The following DAAM1 variants were observed in gnomAD, a reference collection of about 807,000 sequenced individuals.
The protein encoded by DAAM1 is dishevelled associated activator of morphogenesis 1, also known as disheveled-associated activator of morphogenesis 1.
DAAM1 carries 52 observed loss-of-function variants against 130.0 expected under a neutral mutation model. The ratio of observed to expected loss-of-function variants is 0.40; its 90% CI spans 0.32 to 0.50. The LOEUF (loss-of-function observed/expected upper bound fraction) is 0.50, where lower values mean the gene tolerates loss of function less well. DAAM1 is among the 20% of genes least tolerant of loss of function. The probability of loss-of-function intolerance (pLI) is 0.61; values close to 1 mark genes in which losing one functional copy is unlikely to be tolerated. For synonymous variants in DAAM1, 452 were observed against 444.5 expected, an observed-to-expected ratio of 1.02 and a Z score of -0.21; for missense variants, 1,134 against 1,303.8, an observed-to-expected ratio of 0.87 and a Z score of 2.01.
At chr14:59,294,597 A>T (rs1327291685) in intron 3 of DAAM1, among the ~76,000 whole-genome samples, 1 of 152,084 alleles carries the variant, frequency 6.6e-6, no homozygotes, top group Non-Finnish European at 1.5e-5. Flanking sequence ...GAAAGGTCCA[A>T]AAAGGGTTCT....
At chr14:59,234,984 G>A (rs1229229777) in intron 1 of DAAM1, among the ~76,000 whole-genome samples, 1 of 152,068 alleles carries the variant, frequency 6.6e-6, no homozygotes, top group African/African-American at 2.4e-5. Context: ...TGCATCCCAG[G>A]GATGAAGTCG....
intron 1 of DAAM1, among the ~76,000 whole-genome samples, chr14:59,189,132 G>C (rs78381789): frequency 0.025 from 3,741 of 152,266 alleles, 85 homozygotes; most frequent in Non-Finnish European, 0.034. Context: ...CTTGCTGAAG[G>C]CTCCCCGGGG....
chr14:59,331,241 C>T lies in DAAM1; in HGVS notation c.1593C>T (p.Pro531=), dbSNP rs375079306. ...TCTGTGCTTCAATCCCAGGTGGACC[C>T]TCGCCTGGAGCACCAGGAGGGCCCT... is the stretch of plus-strand genomic sequence containing the variant. ...RAVCASIPGG[P]SPGAPGGPFP... Residue 531 remains proline, a synonymous_variant, in exon 14 of 25, where the codon CCC becomes CCT. Transcript: ENST00000360909. The T allele has an allele frequency of 5.6e-6, 9 of 1,612,890 alleles. No homozygotes were observed. The highest frequency in any genetic ancestry group is 5.3e-5 in the African/African-American group (4 of 74,852).
chr14:59,304,089 G>A (rs948680891), intron 3 of DAAM1, among the ~76,000 whole-genome samples: 1 of 152,008 alleles, frequency 6.6e-6, no homozygotes, highest in Non-Finnish European at 1.5e-5. Flanking sequence ...CTGGTTCTTG[G>A]CTGACTCTCC....
At chr14:59,355,409 TC>T in intron 20 of DAAM1, 76 bp downstream of exon 20, 1 of 1,551,582 alleles carries the variant, frequency 6.4e-7, no homozygotes, top group Non-Finnish European at 8.8e-7. Context: ...TCTCTGGTCC[TC>T]CTCAGCCTTC....
chr14:59,360,355 A>G (rs1487957183), intron 21 of DAAM1, among the ~76,000 whole-genome samples: 3 of 152,246 alleles, frequency 2.0e-5, no homozygotes, highest in Non-Finnish European at 4.4e-5. Context: ...ACCTTGTAAT[A>G]GTCATATTAT....
intron 3 of DAAM1, among the ~76,000 whole-genome samples, chr14:59,295,407 A>C (rs140302198): frequency 7.3e-4 from 111 of 152,334 alleles, no homozygotes; most frequent in African/African-American, 2.5e-3. Context: ...ACATCTAAGG[A>C]AAGTGGCTGG....
At chr14:59,245,963 A>T (rs1416074595) in intron 1 of DAAM1, among the ~76,000 whole-genome samples, 1 of 152,202 alleles carries the variant, frequency 6.6e-6, no homozygotes, top group Non-Finnish European at 1.5e-5. Context: ...AGAAAGACAA[A>T]ATGAGACGCT....
intron 16 of DAAM1, 34 bp downstream of exon 16, chr14:59,340,214 G>C (rs771114906): frequency 6.0e-5 from 95 of 1,589,362 alleles, no homozygotes; most frequent in Non-Finnish European, 8.1e-5. Flanking sequence ...TTTCTAGTAG[G>C]ACCAACATTT....
chr14:59,239,153 G>A (rs780187484), intron 1 of DAAM1, among the ~76,000 whole-genome samples: 133 of 152,242 alleles, frequency 8.7e-4, no homozygotes, highest in Middle Eastern at 3.4e-3. Flanking sequence ...GCACACAAAA[G>A]TACTTAGAAA....
rs1055649489 is a variant in DAAM1 at position 59,365,252 on chromosome 14, C to T, written c.2826+1470C>T. On this transcript the variant is annotated intron_variant, in intron 23 of 24. Transcript: ENST00000360909. ...ATTTCTAAGATTTTGATATACATGACGTCATGATCACTAGAATTCCTTGAT... is the reference window on the plus strand; with the variant it reads ...ATTTCTAAGATTTTGATATACATGATGTCATGATCACTAGAATTCCTTGAT... Among the ~76,000 whole-genome samples the T allele has an allele frequency of 6.6e-5, 10 of 152,192 alleles. No homozygotes were observed. In the East Asian group the frequency reaches 9.6e-4, roughly 15 times the overall value.
At chr14:59,254,354 T>C (rs1881775986) in intron 1 of DAAM1, among the ~76,000 whole-genome samples, 1 of 152,212 alleles carries the variant, frequency 6.6e-6, no homozygotes, top group Admixed American at 6.5e-5. Flanking sequence ...GAACAAAACT[T>C]GGCCTCTTAG....
At chr14:59,272,628 CACAT>C (rs1272874805) in intron 2 of DAAM1, among the ~76,000 whole-genome samples, 3 of 138,706 alleles carry the variant, frequency 2.2e-5, no homozygotes, top group African/African-American at 5.6e-5. Flanking sequence ...CACACACACA[CACAT>C]ACACACATAT....
chr14:59,334,237 C>T (rs1885543076), intron 15 of DAAM1, among the ~76,000 whole-genome samples: 1 of 152,076 alleles, frequency 6.6e-6, no homozygotes, highest in African/African-American at 2.4e-5. Flanking sequence ...AAGATGTGGA[C>T]ACTTTAGTTG....
At chr14:59,214,795 C>G (rs760551879) in intron 1 of DAAM1, among the ~76,000 whole-genome samples, 1 of 152,112 alleles carries the variant, frequency 6.6e-6, no homozygotes, top group African/African-American at 2.4e-5. Context: ...ATAATGCTGC[C>G]GTCAACATTT....
chr14:59,285,775 A>G (rs959343715), intron 2 of DAAM1, among the ~76,000 whole-genome samples: 3 of 152,170 alleles, frequency 2.0e-5, no homozygotes, highest in Non-Finnish European at 4.4e-5. Flanking sequence ...TTCATAAAAC[A>G]GGATTTTAGA....
chr14:59,348,388 A>T (rs1358680609), intron 17 of DAAM1, among the ~76,000 whole-genome samples: 1 of 152,132 alleles, frequency 6.6e-6, no homozygotes, highest in Non-Finnish European at 1.5e-5. Flanking sequence ...AATGTTGTTG[A>T]TCTCGCACAT....
At chr14:59,195,729 C>T (rs1336671728) in intron 1 of DAAM1, among the ~76,000 whole-genome samples, 1 of 152,120 alleles carries the variant, frequency 6.6e-6, no homozygotes, top group Non-Finnish European at 1.5e-5. Context: ...TACAGATGCC[C>T]ATCTTTTATT....
chr14:59,203,074 C>G (rs1214306072), intron 1 of DAAM1, among the ~76,000 whole-genome samples: 2 of 151,360 alleles, frequency 1.3e-5, no homozygotes, highest in East Asian at 3.9e-4. Flanking sequence ...TCACTGCAAG[C>G]TCTGCCTCCT....
Sources: allele counts gnomAD v4.1 joint callset (sites outside exome capture counted in the v4.1 genomes callset), GRCh38; gene constraint gnomAD v4.1.1; transcripts MANE v1.5; gene names NCBI Gene and HGNC (gene_info 2026-07-23, HGNC 2026-07-21).